Variants in SLC25A16 observed in about 807,000 individuals in gnomAD.
The protein encoded by SLC25A16 is mitochondrial coenzyme A transporter SLC25A16.
In SLC25A16, 39 loss-of-function variants were observed where a neutral mutation model predicts 41.5. The ratio of observed to expected loss-of-function variants is 0.94; its 90% CI spans 0.73 to 1.23. The LOEUF (loss-of-function observed/expected upper bound fraction) is 1.23, where lower values mean the gene tolerates loss of function less well. SLC25A16 is among the 50% of genes most tolerant of loss of function. The pLI is 0.00. For synonymous variants in SLC25A16, 146 were observed against 147.8 expected (o/e 0.99, Z 0.09); for missense variants, 421 against 426.9 (o/e 0.99, Z 0.12).
intron 2 of SLC25A16, among the ~76,000 whole-genome samples, chr10:68,511,533 A>T (rs1156824197): frequency 6.6e-6 from 1 of 152,220 alleles, no homozygotes; most frequent in East Asian, 1.9e-4. Context: ...AGGAGGTTAA[A>T]GGAATAAAAG....
At chr10:68,526,092 G>C (rs2053333612) in intron 1 of SLC25A16, among the ~76,000 whole-genome samples, 1 of 151,834 alleles carries the variant, frequency 6.6e-6, no homozygotes, top group African/African-American at 2.4e-5. Flanking sequence ...ACCCGTAAAG[G>C]GTCTGTGCTG....
intron 2 of SLC25A16, among the ~76,000 whole-genome samples, chr10:68,507,814 A>C (rs1414065683): frequency 6.6e-6 from 1 of 152,202 alleles, no homozygotes; most frequent in Non-Finnish European, 1.5e-5. Context: ...CACCAGGTTC[A>C]TTTCAAATTT....
At chr10:68,513,192 T>A (rs2053097871) in intron 2 of SLC25A16, among the ~76,000 whole-genome samples, 1 of 149,202 alleles carries the variant, frequency 6.7e-6, no homozygotes, top group African/African-American at 2.5e-5. Context: ...TTTTTTTTTT[T>A]TAATAAAAAA....
intron 2 of SLC25A16, among the ~76,000 whole-genome samples, chr10:68,515,341 G>C (rs1175473082): frequency 8.0e-6 from 1 of 124,566 alleles, no homozygotes; most frequent in Non-Finnish European, 1.6e-5. Context: ...TGGGCCACAA[G>C]AGCAAACTCC....
At chr10:68,510,290 G>A (rs1412258755) in intron 2 of SLC25A16, among the ~76,000 whole-genome samples, 1 of 151,500 alleles carries the variant, frequency 6.6e-6, no homozygotes, top group African/African-American at 2.4e-5. Flanking sequence ...CCAGCACTTT[G>A]AGAGGCCAAA....
At chr10:68,514,597 T>C (rs2053127425) in intron 2 of SLC25A16, among the ~76,000 whole-genome samples, 1 of 152,190 alleles carries the variant, frequency 6.6e-6, no homozygotes, top group East Asian at 1.9e-4. Flanking sequence ...AACCGCAAGG[T>C]CAAAGAATAG....
At chr10:68,505,848 G>A (rs1035143043) in intron 3 of SLC25A16, among the ~76,000 whole-genome samples, 1 of 151,966 alleles carries the variant, frequency 6.6e-6, no homozygotes, top group Non-Finnish European at 1.5e-5. Flanking sequence ...GCCTGGCCAA[G>A]ATGGTGAAAC....
chr10:68,508,193 T>C (rs770287880), intron 2 of SLC25A16, among the ~76,000 whole-genome samples: 109 of 151,562 alleles, frequency 7.2e-4, no homozygotes, highest in African/African-American at 2.5e-3. Context: ...GCCTGGGTGA[T>C]AGAGTGAGAC....
intron 4 of SLC25A16, among the ~76,000 whole-genome samples, chr10:68,502,995 A>C (rs12764624): frequency 7.1e-6 from 1 of 141,006 alleles, no homozygotes; most frequent in African/African-American, 2.7e-5. Flanking sequence ...GGAAGAGGAG[A>C]GAGAAGAGAG....
At position 68,483,319 on chromosome 10, in the gene SLC25A16, G is replaced by T; in HGVS notation, c.*113C>A. The T allele has an allele frequency of 1.5e-6, 1 of 653,974 alleles. No homozygotes were observed. The highest frequency in any genetic ancestry group is 2.5e-6 in the Non-Finnish European group (1 of 396,280). The allele number at this position is 653,974 out of a possible 1,614,324, so 40.5% of individuals were successfully genotyped here. A position where few individuals can be genotyped will look rare whatever the true frequency, so the allele number is the denominator to read the frequency against. On this transcript the variant is annotated 3_prime_UTR_variant, in exon 9 of 9. Coordinates refer to ENST00000609923, the MANE Select transcript of SLC25A16 (RefSeq NM_152707.4). ...ATAATCAAGTACTAAAATACCAGTG[G>T]CTCTTGTGACAGGGTAAATATCCCC... is the stretch of plus-strand genomic sequence containing the variant.
At chr10:68,487,085 T>A in intron 8 of SLC25A16, 59 bp downstream of exon 8, 1 of 1,332,086 alleles carries the variant, frequency 7.5e-7, no homozygotes, top group Non-Finnish European at 1.1e-6. Context: ...CCTATCTCCT[T>A]ACTGAGTTTA....
In SLC25A16 at chr10:68,490,828, T is replaced by C. The variant is rs181808043; in HGVS notation, c.611-2199A>G. On this transcript the variant is annotated intron_variant, in intron 6 of 8. Transcript: ENST00000609923. ...TAAAGACTATCCATAAAAGAATAGA[T>C]TGATGCATTCGACTACCTTAAAATT... Among the ~76,000 whole-genome samples, 583 of 152,248 alleles carry C rather than the reference T, an allele frequency of 3.8e-3. 8 individuals are homozygous for C. Among genetic ancestry groups the C allele is most frequent in the African/African-American group, 0.014 (562 of 41,554 alleles).
chr10:68,503,335 T>C (rs2052889988), intron 4 of SLC25A16: 1 of 233,176 alleles, frequency 4.3e-6, no homozygotes, highest in South Asian at 1.7e-4. Flanking sequence ...CACATAGTTA[T>C]AAGTTGAGAC....
chr10:68,523,145 A>G (rs2053275246), intron 1 of SLC25A16, among the ~76,000 whole-genome samples: 1 of 152,142 alleles, frequency 6.6e-6, no homozygotes, highest in Non-Finnish European at 1.5e-5. Flanking sequence ...GCTTGAGTGC[A>G]GTGCTGCGAT....
intron 2 of SLC25A16, among the ~76,000 whole-genome samples, chr10:68,515,434 G>C (rs2133583809): frequency 6.6e-6 from 1 of 150,708 alleles, no homozygotes; most frequent in South Asian, 2.1e-4. Flanking sequence ...TTTAAATTAA[G>C]CGTTAAAAAG....
chr10:68,517,845 C>A lies in SLC25A16; in HGVS notation c.131-1002G>T, dbSNP rs562295364. 13 of 151,744 alleles carry A rather than the reference C, an allele frequency of 8.6e-5. No individual in the cohort carries two copies. In the East Asian group the frequency reaches 2.5e-3, roughly 30 times the overall value. The allele number at this position is 151,744 out of a possible 1,614,324, so 9.4% of individuals were successfully genotyped here. A position where few individuals can be genotyped will look rare whatever the true frequency, so the allele number is the denominator to read the frequency against. On this transcript the variant is annotated intron_variant, in intron 1 of 8. Transcript: ENST00000609923. Reference sequence around the variant, plus strand: ...AATTAGCAAGGCATGGTGGCAGGCGCCTGTAGTCCCAGCTATTTGGGAGGT... The same window carrying A: ...AATTAGCAAGGCATGGTGGCAGGCGACTGTAGTCCCAGCTATTTGGGAGGT...
chr10:68,491,041 T>A (rs2052649160), intron 6 of SLC25A16, among the ~76,000 whole-genome samples: 1 of 152,008 alleles, frequency 6.6e-6, no homozygotes, highest in Non-Finnish European at 1.5e-5. Flanking sequence ...CAAGCCTGGC[T>A]AATTTTAGAA....
At chr10:68,508,566 A>G (rs998381376) in intron 2 of SLC25A16, among the ~76,000 whole-genome samples, 40 of 152,084 alleles carry the variant, frequency 2.6e-4, no homozygotes, top group African/African-American at 8.9e-4. Flanking sequence ...GATACAAAAA[A>G]AATTATCTGG....
chr10:68,498,502 C>G (rs1371201582), intron 4 of SLC25A16, among the ~76,000 whole-genome samples: 1 of 151,578 alleles, frequency 6.6e-6, no homozygotes, highest in East Asian at 1.9e-4. Flanking sequence ...CCAGTCTGAG[C>G]AAAATAACTT....
Sources: gnomAD v4.1 joint callset for allele counts (sites outside exome capture counted in the v4.1 genomes callset) on GRCh38, gnomAD v4.1.1 for gene constraint, MANE v1.5 for transcripts, NCBI Gene and HGNC (gene_info 2026-07-23, HGNC 2026-07-21) for gene names.